SPATA6: variants seen among roughly 807,000 people sequenced by gnomAD.
SPATA6 encodes spermatogenesis associated 6, also known as spermatogenesis-associated protein 6.
A neutral mutation model predicts 65.3 loss-of-function variants in SPATA6; 56 were observed. The ratio of observed to expected loss-of-function variants is 0.86; its 90% CI spans 0.69 to 1.07. The LOEUF (loss-of-function observed/expected upper bound fraction) is 1.07. Ranked by LOEUF, SPATA6 falls within the 50% of genes least tolerant of loss-of-function variation. SPATA6 has a pLI of 0.00. For synonymous variants in SPATA6, 199 were observed against 213.2 expected (o/e 0.93, Z 0.58); for missense variants, 590 against 594.8 (o/e 0.99, Z 0.08).
chr1:48,410,374 T>G (rs1430128452), intron 5 of SPATA6, among the ~76,000 whole-genome samples: 1 of 152,186 alleles, frequency 6.6e-6, no homozygotes, highest in Non-Finnish European at 1.5e-5. Flanking sequence ...GTCAAAGCCA[T>G]TCAACAAGTC....
At chr1:48,263,771 C>T in the SPATA6 span, among the ~76,000 whole-genome samples, 1 of 152,170 alleles carries the variant, frequency 6.6e-6, no homozygotes, top group Non-Finnish European at 1.5e-5. Flanking sequence ...GTATTTATTT[C>T]ATCTGCTAAA....
intron 3 of SPATA6, among the ~76,000 whole-genome samples, chr1:48,444,825 A>G (rs1655862488): frequency 6.6e-6 from 1 of 152,232 alleles, no homozygotes; most frequent in Non-Finnish European, 1.5e-5. Flanking sequence ...AGCGAGACCA[A>G]GAACCCACCA....
At chr1:48,347,015 C>T (rs938565791) in intron 11 of SPATA6, among the ~76,000 whole-genome samples, 1 of 151,876 alleles carries the variant, frequency 6.6e-6, no homozygotes, top group South Asian at 2.1e-4. Flanking sequence ...CAAGGCAAAC[C>T]TAAGCAAAAA....
chr1:48,312,648 C>T (rs1645255120), intron 11 of SPATA6, among the ~76,000 whole-genome samples: 2 of 152,172 alleles, frequency 1.3e-5, no homozygotes, highest in Admixed American at 1.3e-4. Context: ...ACCTCTCCTC[C>T]TCCAAAGGAA....
At chr1:48,422,823 T>TA (rs1653471649) in intron 3 of SPATA6, among the ~76,000 whole-genome samples, 1 of 152,194 alleles carries the variant, frequency 6.6e-6, no homozygotes. Flanking sequence ...GGCATACGTC[T>TA]ACCCTATGAT....
intron 12 of SPATA6, among the ~76,000 whole-genome samples, chr1:48,300,963 T>C (rs1337333069): frequency 6.6e-6 from 1 of 152,030 alleles, no homozygotes; most frequent in East Asian, 1.9e-4. Context: ...TTATACTGAA[T>C]GGGAAAAAGA....
intron 1 of SPATA6, among the ~76,000 whole-genome samples, chr1:48,463,745 C>A (rs1183322636): frequency 1.3e-5 from 2 of 151,926 alleles, no homozygotes; most frequent in African/African-American, 2.4e-5. Context: ...TCCTATATGT[C>A]TGAAATATTT....
intron 9 of SPATA6, among the ~76,000 whole-genome samples, chr1:48,369,187 T>G (rs1444034144): frequency 6.6e-6 from 1 of 152,084 alleles, no homozygotes. Context: ...CCGTGTGAGG[T>G]GTCAGTCTGC....
At chr1:48,409,725 G>A (rs1412055206) in intron 5 of SPATA6, among the ~76,000 whole-genome samples, 1 of 152,238 alleles carries the variant, frequency 6.6e-6, no homozygotes, top group African/African-American at 2.4e-5. Flanking sequence ...AACACCACAT[G>A]GAAGCTGCCA....
intron 3 of SPATA6, chr1:48,447,855 A>T (rs1328189474): frequency 6.6e-6 from 1 of 152,300 alleles, no homozygotes; most frequent in Non-Finnish European, 1.5e-5. Flanking sequence ...ATTAATGGTA[A>T]CAAAAAATAA....
At chr1:48,305,660 G>T in intron 12 of SPATA6, 127 bp downstream of exon 12, 2 of 644,294 alleles carry the variant, frequency 3.1e-6, no homozygotes, top group Non-Finnish European at 4.8e-6. Context: ...AATTTTAATA[G>T]GAATTTACAG....
intron 12 of SPATA6, 56 bp downstream of exon 12, chr1:48,305,730 TA>T: frequency 7.5e-7 from 1 of 1,326,532 alleles, no homozygotes; most frequent in South Asian, 1.4e-5. Flanking sequence ...CAGCATATTA[TA>T]AAACAGTTAT....
chr1:48,466,234 T>G (rs1163537348), intron 1 of SPATA6, among the ~76,000 whole-genome samples: 1 of 152,140 alleles, frequency 6.6e-6, no homozygotes, highest in Non-Finnish European at 1.5e-5. Context: ...GAACAAAAAT[T>G]ATATCACTGT....
At chr1:48,358,836 C>A (rs964460067) in intron 10 of SPATA6, among the ~76,000 whole-genome samples, 1 of 152,128 alleles carries the variant, frequency 6.6e-6, no homozygotes, top group Non-Finnish European at 1.5e-5. Flanking sequence ...ACTATGAATA[C>A]TTTCAAAGCT....
At chr1:48,404,254 CATAT>C (rs142381908) in intron 5 of SPATA6, among the ~76,000 whole-genome samples, 3,998 of 152,014 alleles carry the variant, frequency 0.026, 171 homozygotes, top group African/African-American at 0.092. Context: ...CATATTTAAC[CATAT>C]AGTCAAGAAA....
At chr1:48,346,145 C>T (rs1278286991) in intron 11 of SPATA6, among the ~76,000 whole-genome samples, 1 of 152,112 alleles carries the variant, frequency 6.6e-6, no homozygotes, top group Non-Finnish European at 1.5e-5. Flanking sequence ...TTCAAGTAGA[C>T]TTTATCCAGA....
At chr1:48,262,702 T>C in the SPATA6 span, 1 of 152,156 alleles carries the variant, frequency 6.6e-6, no homozygotes, top group East Asian at 1.9e-4. Context: ...ACTTTAAAAA[T>C]GCAAGAATAT....
At chr1:48,377,089 T>C (rs1570369508) in intron 9 of SPATA6, among the ~76,000 whole-genome samples, 2 of 152,102 alleles carry the variant, frequency 1.3e-5, no homozygotes, top group Non-Finnish European at 1.5e-5. Flanking sequence ...ACCACCCCAA[T>C]CTAACCTATC....
At chr1:48,382,628 G>GGGC (rs1648825612) in intron 9 of SPATA6, among the ~76,000 whole-genome samples, 2 of 22,404 alleles carry the variant, frequency 8.9e-5, no homozygotes, top group Admixed American at 3.9e-4. Context: ...GCGGCTGGCC[G>GGGC]ACCCCCCCCC....
Sources: gnomAD v4.1 joint callset for allele counts (sites outside exome capture counted in the v4.1 genomes callset) on GRCh38, gnomAD v4.1.1 for gene constraint, MANE v1.5 for transcripts, NCBI Gene and HGNC (gene_info 2026-07-23, HGNC 2026-07-21) for gene names.